NIPSNAP1: variants seen among roughly 807,000 people sequenced by gnomAD.
The protein encoded by NIPSNAP1 is protein NipSnap homolog 1.
NIPSNAP1 carries 25 observed loss-of-function variants against 49.2 expected under a neutral mutation model. The observed-to-expected ratio is 0.51, with a 90% CI of 0.37 to 0.71. The LOEUF is 0.71. Among genes scored for constraint, NIPSNAP1 ranks in the 30% least tolerant of loss-of-function variants. The probability of loss-of-function intolerance (pLI) is 0.00; values close to 1 mark genes in which losing one functional copy is unlikely to be tolerated. For missense variants in NIPSNAP1, 294 were observed against 361.0 expected, an observed-to-expected ratio of 0.81 and a Z score of 1.50; for synonymous variants, 143 against 140.7, an observed-to-expected ratio of 1.02 and a Z score of -0.12.
chr22:29,566,675 T>C (rs1337851158), intron 4 of NIPSNAP1, among the ~76,000 whole-genome samples: 3 of 151,718 alleles, frequency 2.0e-5, no homozygotes, highest in Admixed American at 6.6e-5. Context: ...ATATAAAAAA[T>C]TAGCTGGCTG....
intron 4 of NIPSNAP1, among the ~76,000 whole-genome samples, chr22:29,566,375 T>A (rs998344100): frequency 1.3e-5 from 2 of 151,994 alleles, no homozygotes; most frequent in Admixed American, 6.6e-5. Context: ...TGGCTATTCA[T>A]AGGTGTGATG....
At chr22:29,566,085 TGTATATGA>T (rs2064366363) in intron 4 of NIPSNAP1, among the ~76,000 whole-genome samples, 1 of 152,298 alleles carries the variant, frequency 6.6e-6, no homozygotes, top group African/African-American at 2.4e-5. Flanking sequence ...TGAGCCTGTG[TGTATATGA>T]GTGAGCATTT....
chr22:29,573,562 A>G (rs2064426765), intron 1 of NIPSNAP1, among the ~76,000 whole-genome samples: 2 of 152,026 alleles, frequency 1.3e-5, no homozygotes, highest in Non-Finnish European at 2.9e-5. Flanking sequence ...TGAGGTCGGG[A>G]GTTTGAGACC....
chr22:29,566,828 AAAAT>A (rs1013258473), intron 4 of NIPSNAP1, among the ~76,000 whole-genome samples: 5 of 151,534 alleles, frequency 3.3e-5, no homozygotes, highest in East Asian at 1.9e-4. Context: ...CTGTCTCAAA[AAAAT>A]AAATAAATAG....
At chr22:29,561,428 T>C in intron 6 of NIPSNAP1, 78 bp downstream of exon 6, 1 of 1,584,790 alleles carries the variant, frequency 6.3e-7, no homozygotes. Flanking sequence ...AGCCCCAGTC[T>C]AGGTGTTGGG....
At chr22:29,568,207 G>A (rs1457478202) in intron 4 of NIPSNAP1, among the ~76,000 whole-genome samples, 9 of 145,908 alleles carry the variant, frequency 6.2e-5, no homozygotes, top group African/African-American at 1.5e-4. Context: ...AAAAAAGGCC[G>A]GGAGTGGTGG....
At chr22:29,567,674 G>GAGATC (rs2064377138) in intron 4 of NIPSNAP1, among the ~76,000 whole-genome samples, 1 of 151,890 alleles carries the variant, frequency 6.6e-6, no homozygotes, top group Admixed American at 6.6e-5. Context: ...GTAACATAGG[G>GAGATC]AGATCCCGTC....
At chr22:29,573,392 T>G (rs986944996) in intron 1 of NIPSNAP1, among the ~76,000 whole-genome samples, 10 of 152,110 alleles carry the variant, frequency 6.6e-5, no homozygotes, top group Non-Finnish European at 1.5e-4. Flanking sequence ...GCATGGTGGC[T>G]CACGCCTATA....
At chr22:29,572,893 C>T (rs2064421180) in intron 1 of NIPSNAP1, among the ~76,000 whole-genome samples, 1 of 151,564 alleles carries the variant, frequency 6.6e-6, no homozygotes, top group African/African-American at 2.4e-5. Flanking sequence ...TTAGGAGGAT[C>T]GCATGAAGCC....
rs1169055423 is a variant in NIPSNAP1 at position 29,580,990 on chromosome 22, C to G, written c.93G>C (p.Ala31=). The G allele has an allele frequency of 2.0e-6, 3 of 1,531,090 alleles. No homozygotes were observed. In the Admixed American group the frequency reaches 5.9e-5, roughly 30 times the overall value. The allele number at this position is 1,531,090 out of a possible 1,614,324, so 94.8% of individuals were successfully genotyped here. A position where few individuals can be genotyped will look rare whatever the true frequency, so the allele number is the denominator to read the frequency against. ...CTGCCTGGCCGGGCTCTCACCGCGC[C>G]GCAGCTGCAGACGCAACGTCCCCAG... ...PRAGDVASAA[A]ARFYSKDNEG... Residue 31 remains alanine (A), a synonymous_variant, in exon 1 of 10, where the codon GCG becomes GCC. Coordinates refer to ENST00000216121, the MANE Select transcript of NIPSNAP1 (RefSeq NM_003634.4).
chr22:29,561,928 T>A, intron 4 of NIPSNAP1, 66 bp from the exon 5 acceptor site: 1 of 1,508,098 alleles, frequency 6.6e-7, no homozygotes, highest in Non-Finnish European at 9.2e-7. Context: ...CTCCTCAAGG[T>A]TGGCTAAGTG....
intron 1 of NIPSNAP1, among the ~76,000 whole-genome samples, chr22:29,577,130 C>T (rs762056026): frequency 1.1e-4 from 17 of 150,904 alleles, no homozygotes; most frequent in Non-Finnish European, 2.4e-4. Flanking sequence ...ACTCTGTCAC[C>T]CAGGCTGGAG....
At chr22:29,559,101 T>C (rs1285970645) in intron 8 of NIPSNAP1, 148 bp from the exon 9 acceptor site, 2 of 703,890 alleles carry the variant, frequency 2.8e-6, no homozygotes, top group Non-Finnish European at 5.2e-6. Flanking sequence ...AAACACTGTC[T>C]GCTTTAATCA....
intron 1 of NIPSNAP1, among the ~76,000 whole-genome samples, chr22:29,572,782 G>T (rs2146614131): frequency 6.6e-6 from 1 of 151,680 alleles, no homozygotes; most frequent in South Asian, 2.1e-4. Context: ...TTGGGCAACA[G>T]AGTGAGACTC....
At chr22:29,573,868 G>A (rs2064429188) in intron 1 of NIPSNAP1, among the ~76,000 whole-genome samples, 1 of 151,936 alleles carries the variant, frequency 6.6e-6, no homozygotes, top group Admixed American at 6.6e-5. Flanking sequence ...GAACCCAGGA[G>A]GCGTAGGTTG....
At chr22:29,578,675 G>C (rs2064474041) in intron 1 of NIPSNAP1, among the ~76,000 whole-genome samples, 1 of 151,224 alleles carries the variant, frequency 6.6e-6, no homozygotes, top group Admixed American at 6.6e-5. Context: ...CAGTCCTTGA[G>C]GGACTTGATA....
At chr22:29,569,630 G>A (rs978976364) in intron 3 of NIPSNAP1, among the ~76,000 whole-genome samples, 3 of 150,304 alleles carry the variant, frequency 2.0e-5, no homozygotes, top group Non-Finnish European at 3.0e-5. Context: ...GGAGTGCAAT[G>A]GCGCAATCTC....
chr22:29,556,008 A>G lies in NIPSNAP1; in HGVS notation c.791-9T>C, dbSNP rs2064291666. The G allele has an allele frequency of 6.5e-7, 1 of 1,543,950 alleles. No homozygotes were observed. Among genetic ancestry groups the G allele is most frequent in the South Asian group, 1.2e-5 (1 of 83,962 alleles). ...GTGTCGCACCAGGGGGACTGCGGAG[A>G]GAGAAGGCAGAGGTCACACAGGGGG... is the stretch of plus-strand genomic sequence containing the variant. On this transcript the variant is annotated splice_polypyrimidine_tract_variant and intron_variant, in intron 9 of 9. Transcript: ENST00000216121.
chr22:29,556,728 G>GA (rs1244789773), intron 9 of NIPSNAP1, among the ~76,000 whole-genome samples: 1 of 152,124 alleles, frequency 6.6e-6, no homozygotes, highest in Non-Finnish European at 1.5e-5. Flanking sequence ...TAGGTTGCAG[G>GA]AAGCCTGCGA....
Sources: gnomAD v4.1 joint callset for allele counts (sites outside exome capture counted in the v4.1 genomes callset) on GRCh38, gnomAD v4.1.1 for gene constraint, MANE v1.5 for transcripts, NCBI Gene and HGNC (gene_info 2026-07-23, HGNC 2026-07-21) for gene names.